Variants in MUC17 observed in about 807,000 individuals in gnomAD.
The protein encoded by MUC17 is mucin 17, cell surface associated, also known as mucin-17.
A neutral mutation model predicts 170.3 loss-of-function variants in MUC17; 190 were observed. The observed-to-expected ratio is 1.12, with a 90% CI of 0.99 to 1.26. The LOEUF (loss-of-function observed/expected upper bound fraction) is 1.26, where lower values mean the gene tolerates loss of function less well. Ranked by LOEUF, MUC17 falls within the 50% of genes most tolerant of loss-of-function variation. The pLI, the probability that MUC17 is intolerant of heterozygous loss-of-function variation, is 0.00. For synonymous variants in MUC17, 2,325 were observed against 2,002.5 expected (o/e 1.16, Z -4.30); for missense variants, 6,415 against 5,530.0 (o/e 1.16, Z -5.08).
intron 11 of MUC17, among the ~76,000 whole-genome samples, chr7:101,054,527 AG>A (rs1795014297): frequency 6.6e-6 from 1 of 152,188 alleles, no homozygotes; most frequent in African/African-American, 2.4e-5. Flanking sequence ...GAGGCAGGAA[AG>A]GGAGAAAAAG....
chr7:101,020,088 C>T lies in MUC17; in HGVS notation c.-48C>T. ...GTTTCCTTCTCTGAGGCTCATTTCG[C>T]CAGCTCCTCTGGGGGTGACAGGCAA... On this transcript the variant is annotated 5_prime_UTR_variant, in exon 1 of 13. Coordinates refer to ENST00000306151, the MANE Select transcript of MUC17 (RefSeq NM_001040105.2). The T allele has an allele frequency of 1.3e-6, 2 of 1,523,296 alleles. No homozygotes were observed. Among genetic ancestry groups the T allele is most frequent in the South Asian group, 2.5e-5 (2 of 79,350 alleles). The allele number at this position is 1,523,296 out of a possible 1,614,324, so 94.4% of individuals were successfully genotyped here. A position where few individuals can be genotyped will look rare whatever the true frequency, so the allele number is the denominator to read the frequency against.
rs776459409 is a variant in MUC17, at chr7:101,038,663, C to T, written c.7247C>T (p.Thr2416Ile). Residue 2416 changes from threonine (T) to isoleucine (I), a missense_variant, in exon 3 of 13, where the codon ACC becomes ATC. By Grantham distance (89) the Thr-to-Ile change is moderately conservative. Transcript: ENST00000306151. ...CCGGTGGTCAGTTCTGAGGCTAGCA[C>T]CCATTCCACAACTCCTGTTGACACC... The part of the protein sequence containing the change: ...TMPVVSSEAS[T>I]HSTTPVDTST... The T allele has an allele frequency of 1.5e-5, 25 of 1,614,024 alleles. No homozygotes were observed. Among genetic ancestry groups the T allele is most frequent in the Admixed American group, 6.7e-5 (4 of 60,006 alleles).
In MUC17 at chr7:101,039,881, T is replaced by C; in HGVS notation, c.8465T>C (p.Val2822Ala). Residue 2822 changes from valine (V) to alanine (A), a missense_variant, in exon 3 of 13, where the codon GTG (valine) becomes GCG (alanine). By Grantham distance (64) the Val-to-Ala change is moderately conservative (BLOSUM62 0). Coordinates refer to ENST00000306151, the MANE Select transcript of MUC17 (RefSeq NM_001040105.2). ...LTSMPVNHTPVASSEAGTLST... is the reference protein window; with the variant it reads ...LTSMPVNHTPAASSEAGTLST... ...AGTATGCCTGTCAACCACACGCCAG[T>C]GGCCAGTTCTGAGGCTGGCACCCTT... 1.2e-6 allele frequency: 2 copies of C among 1,612,706 alleles called. No individual in the cohort carries two copies. Among genetic ancestry groups the C allele is most frequent in the South Asian group, 2.2e-5 (2 of 91,018 alleles).
chr7:101,043,895 G>T, intron 3 of MUC17, 76 bp downstream of exon 3: 4 of 1,363,484 alleles, frequency 2.9e-6, no homozygotes, highest in South Asian at 2.7e-5. Context: ...CAACGTGCAG[G>T]TTTGTTACCT....
At chr7:101,021,881 G>T (rs184140789) in intron 1 of MUC17, among the ~76,000 whole-genome samples, 69 of 152,288 alleles carry the variant, frequency 4.5e-4, no homozygotes, top group African/African-American at 1.6e-3. Flanking sequence ...AGCTGCAGTG[G>T]CCTCAGCCTG....
In MUC17 at chr7:101,036,418, G is replaced by A. The variant is rs1794480460; in HGVS notation, c.5002G>A (p.Val1668Ile). ...SNSPVITSTE[V>I]SSSPTPAEGT... ...CAGTCCTGTGATCACTTCTACTGAA[G>A]TCAGTTCATCTCCTACACCTGCTGA... Residue 1668 changes from valine (V) to isoleucine (I), a missense_variant, in exon 3 of 13, where the codon GTC (valine) becomes ATC (isoleucine). By Grantham distance (29) the Val-to-Ile change is conservative. Transcript: ENST00000306151. The A allele has an allele frequency of 6.2e-7, 1 of 1,612,458 alleles. No homozygotes were observed. Among genetic ancestry groups the A allele is most frequent in the South Asian group, 1.1e-5 (1 of 90,936 alleles).
rs142772357 is a variant in MUC17, at chr7:101,048,870, A to G, written c.12561A>G (p.Gln4187=). ...DIGPPETISA[Q]MELTVTVTSV... is the part of the protein sequence containing the mutation. ...GGCCACCGGAGACTATCTCTGCCCAAATGGAACTGACTGTGACAGTGACCA... is the reference window on the plus strand; with the variant it reads ...GGCCACCGGAGACTATCTCTGCCCAGATGGAACTGACTGTGACAGTGACCA... Residue 4187 remains glutamine, a synonymous_variant, in exon 5 of 13, where the codon CAA becomes CAG. Coordinates refer to ENST00000306151, the MANE Select transcript of MUC17 (RefSeq NM_001040105.2). The G allele has an allele frequency of 6.2e-7, 1 of 1,614,112 alleles. No individual in the cohort carries two copies. The highest frequency in any genetic ancestry group is 8.5e-7 in the Non-Finnish European group (1 of 1,179,996).
Position 101,043,346 on chromosome 7 carries a change from C to A in MUC17, c.11930C>A (p.Ser3977Tyr). ...TSTELNTPSTSSSSTTTSFST... is the reference protein window; with the variant it reads ...TSTELNTPSTYSSSTTTSFST... ...ACTGAACTAAACACACCATCAACCT[C>A]CAGTAGTAGTACCACCACATCTTTT... is the stretch of plus-strand genomic sequence containing the variant. The change falls in exon 3 of 13, where the codon TCC becomes TAC. Residue 3977 changes from serine to tyrosine, a missense_variant. Coordinates refer to ENST00000306151, the MANE Select transcript of MUC17 (RefSeq NM_001040105.2). 6.2e-7 allele frequency: 1 copy of A among 1,614,190 alleles called. No homozygotes were observed. The highest frequency in any genetic ancestry group is 8.5e-7 in the Non-Finnish European group (1 of 1,180,032).
chr7:101,043,600 A>T lies in MUC17; in HGVS notation c.12184A>T (p.Ile4062Phe), dbSNP rs1203741894. Reference protein sequence around the residue: ...SRPSTITSHTIPPTFPPAHSS... With the variant: ...SRPSTITSHTFPPTFPPAHSS... ...GCCGTCAACAATTACTTCTCACACC[A>T]TCCCACCTACATTTCCTCCTGCTCA... The change falls in exon 3 of 13, where the codon ATC becomes TTC. Residue 4062 changes from isoleucine (I) to phenylalanine (F), a missense_variant. Physicochemically the swap from Ile to Phe is conservative, Grantham distance 21. Coordinates refer to ENST00000306151, the MANE Select transcript of MUC17 (RefSeq NM_001040105.2). 6.2e-7 allele frequency: 1 copy of T among 1,613,988 alleles called. No individual in the cohort carries two copies. The highest frequency in any genetic ancestry group is 1.1e-5 in the South Asian group (1 of 91,058).
In MUC17 at chr7:101,032,469, G is replaced by A. The variant is rs1562803840; in HGVS notation, c.1053G>A (p.Met351Ile). 6.2e-7 allele frequency: 1 copy of A among 1,613,090 alleles called. No individual in the cohort carries two copies. The highest frequency in any genetic ancestry group is 1.3e-5 in the African/African-American group (1 of 74,716). The change falls in exon 3 of 13, where the codon ATG (methionine) becomes ATA (isoleucine). Residue 351 changes from methionine to isoleucine, a missense_variant. Coordinates refer to ENST00000306151, the MANE Select transcript of MUC17 (RefSeq NM_001040105.2). ...CCATGCCGGTTGCCACTTCTGAAAT[G>A]AGCACACTTTCAATAACTCCTGTTG... Reference protein sequence around the residue: ...ASTMPVATSEMSTLSITPVDT... With the variant: ...ASTMPVATSEISTLSITPVDT...
chr7:101,039,923 A>C lies in MUC17; in HGVS notation c.8507A>C (p.Asp2836Ala). The stretch of plus-strand genomic sequence containing the variant: ...GGCACCCTTTCAACAACTCCTGTTG[A>C]CACCAGCACACCTGTGACCACTTCT... ...EAGTLSTTPV[D>A]TSTPVTTSTK... Residue 2836 changes from aspartate (D) to alanine (A), a missense_variant, in exon 3 of 13, where the codon GAC becomes GCC. By Grantham distance (126) the Asp-to-Ala change is moderately radical. Coordinates refer to ENST00000306151, the MANE Select transcript of MUC17 (RefSeq NM_001040105.2). 1 of 1,613,582 alleles carries C rather than the reference A, an allele frequency of 6.2e-7. No individual in the cohort carries two copies. The highest frequency in any genetic ancestry group is 8.5e-7 in the Non-Finnish European group (1 of 1,179,804).
chr7:101,049,410 G>T (rs762423406), intron 6 of MUC17, 28 bp downstream of exon 6: 2 of 1,601,052 alleles, frequency 1.2e-6, no homozygotes, highest in South Asian at 1.1e-5. Context: ...TGGGAAGAGG[G>T]TCTGTGGCGT....
chr7:101,022,307 C>T lies in MUC17; in HGVS notation c.82+2090C>T, dbSNP rs139924443. 5.0e-3 allele frequency among the ~76,000 whole-genome samples: 761 copies of T among 152,168 alleles called. 10 individuals carry two copies. Among genetic ancestry groups the T allele is most frequent in the African/African-American group, 0.018 (734 of 41,518 alleles). On this transcript the variant is annotated intron_variant, in intron 1 of 12. Transcript: ENST00000306151. The stretch of plus-strand genomic sequence containing the variant: ...TCAGCCTCCCGAGTAGCTGGGATTA[C>T]GGATGCACGCTACTGTACCCAGCTA...
At chr7:101,046,247 C>T (rs980221280) in intron 3 of MUC17, among the ~76,000 whole-genome samples, 4 of 152,090 alleles carry the variant, frequency 2.6e-5, no homozygotes, top group East Asian at 1.9e-4. Context: ...TAGGGTAAAC[C>T]GGAAGGCAGA....
At position 101,031,666 on chromosome 7, in the gene MUC17, A is replaced by T. The variant is rs768744520; in HGVS notation, c.250A>T (p.Ser84Cys). 6.3e-7 allele frequency: 1 copy of T among 1,582,558 alleles called. No individual in the cohort carries two copies. The highest frequency in any genetic ancestry group is 1.4e-5 in the African/African-American group (1 of 74,018). The change falls in exon 3 of 13, where the codon AGT becomes TGT. Residue 84 changes from serine to cysteine, a missense_variant. Ser to Cys is a moderately radical substitution (Grantham distance 112, BLOSUM62 -1). Transcript: ENST00000306151. ...TNVVEPRMYL[S>C]CSTNPEMTSI... ...TGTCGTGGAGCCAAGAATGTATTTG[A>T]GTTGCAGCACCAACCCTGAGATGAC... is the stretch of plus-strand genomic sequence containing the variant.
Position 101,039,941 on chromosome 7 carries a change from C to T in MUC17, c.8525C>T (p.Thr2842Ile), listed in dbSNP as rs765162855. The T allele has an allele frequency of 1.2e-6, 2 of 1,613,610 alleles. No homozygotes were observed. The highest frequency in any genetic ancestry group is 1.1e-5 in the South Asian group (1 of 91,068). Residue 2842 changes from threonine to isoleucine, a missense_variant, in exon 3 of 13, where the codon ACC becomes ATC. Physicochemically the swap from Thr to Ile is moderately conservative, Grantham distance 89. Coordinates refer to ENST00000306151, the MANE Select transcript of MUC17 (RefSeq NM_001040105.2). Reference protein sequence around the residue: ...TTPVDTSTPVTTSTKASSSPT... With the variant: ...TTPVDTSTPVITSTKASSSPT... The stretch of plus-strand genomic sequence containing the variant: ...CCTGTTGACACCAGCACACCTGTGA[C>T]CACTTCTACTAAAGCCAGTTCATCT...
At position 101,038,091 on chromosome 7, in the gene MUC17, G is replaced by C. The variant is rs1454438850; in HGVS notation, c.6675G>C (p.Met2225Ile). Residue 2225 changes from methionine (M) to isoleucine (I), a missense_variant, in exon 3 of 13, where the codon ATG (methionine) becomes ATC (isoleucine). Transcript: ENST00000306151. ...AAGGAAGCACTCCATTCACAAGTAT[G>C]CCTGTCAGCACCATGCCGGTAGTTA... ...PSEGSTPFTS[M>I]PVSTMPVVTS... The C allele has an allele frequency of 1.4e-6, 2 of 1,403,352 alleles. No homozygotes were observed. The highest frequency in any genetic ancestry group is 2.1e-5 in the Admixed American group (1 of 48,662). 86.9% of individuals were successfully genotyped at this position (1,403,352 alleles called of 1,614,324 possible). A position where few individuals can be genotyped will look rare whatever the true frequency, so the allele number is the denominator to read the frequency against.
In MUC17 at chr7:101,049,399, T is replaced by G. The variant is rs10246021; in HGVS notation, c.12722+17T>G. 0.64 allele frequency: 1,022,109 copies of G among 1,606,192 alleles called. 328,681 individuals are homozygous for G. The highest frequency in any genetic ancestry group is 0.8 in the East Asian group (35,797 of 44,824). ...AAAGCTACGGTAAGTGTCTGGGCCC[T>G]TGGGAAGAGGGTCTGTGGCGTGGAA... On this transcript the variant is annotated intron_variant, in intron 6 of 12. Transcript: ENST00000306151.
Position 101,056,235 on chromosome 7 carries a change from C to G in MUC17, c.13405C>G (p.Gln4469Glu). The G allele has an allele frequency of 1.2e-6, 2 of 1,613,908 alleles. No individual in the cohort carries two copies. The highest frequency in any genetic ancestry group is 1.3e-5 in the African/African-American group (1 of 74,988). ...CCTGGAGTCCATCTATAGTAATTTCCAGCCCTCCTTGAGACACATAGACCC... is the reference window on the plus strand; with the variant it reads ...CCTGGAGTCCATCTATAGTAATTTCGAGCCCTCCTTGAGACACATAGACCC... Reference protein sequence around the residue: ...IHLESIYSNFQPSLRHIDPET... With the variant: ...IHLESIYSNFEPSLRHIDPET... The change falls in exon 12 of 13, where the codon CAG becomes GAG. Residue 4469 changes from glutamine to glutamate, a missense_variant. Transcript: ENST00000306151.
Sources: allele counts gnomAD v4.1 joint callset (sites outside exome capture counted in the v4.1 genomes callset), GRCh38; gene constraint gnomAD v4.1.1; transcripts MANE v1.5; gene names NCBI Gene and HGNC (gene_info 2026-07-23, HGNC 2026-07-21).